Variants in NAMPT observed in about 807,000 individuals in gnomAD.
The protein encoded by NAMPT is NAmPRTase.
Under a neutral mutation model 58.7 loss-of-function variants are expected in NAMPT, and 7 were observed. The ratio of observed to expected loss-of-function variants is 0.12; its 90% CI spans 0.07 to 0.22. The LOEUF (loss-of-function observed/expected upper bound fraction) is 0.22. NAMPT is among the 10% of genes least tolerant of loss of function. The pLI, the probability that NAMPT is intolerant of heterozygous loss-of-function variation, is 1.00. For missense variants in NAMPT, 271 were observed against 567.9 expected (o/e 0.48, Z 5.31); for synonymous variants, 145 against 198.1 (o/e 0.73, Z 2.25).
rs1792085440 is a variant in NAMPT at position 106,250,326 on chromosome 7, C to G, written c.*757G>C. 1 of 152,320 alleles carries G rather than the reference C, an allele frequency of 6.6e-6. No homozygotes were observed. Among genetic ancestry groups the G allele is most frequent in the South Asian group, 2.1e-4 (1 of 4,836 alleles). The allele number at this position is 152,320 out of a possible 1,614,324, so 9.4% of individuals were successfully genotyped here. A position where few individuals can be genotyped will look rare whatever the true frequency, so the allele number is the denominator to read the frequency against. ...TGCATATTAGAGCCACAGGCAATCT[C>G]TGACATATAAAATTGCAGTACAGGC... On this transcript the variant is annotated 3_prime_UTR_variant, in exon 11 of 11. Transcript: ENST00000222553.
chr7:106,250,182 A>T lies in NAMPT; in HGVS notation c.*901T>A, dbSNP rs570805336. On this transcript the variant is annotated 3_prime_UTR_variant, in exon 11 of 11. Transcript: ENST00000222553. ...ATAGAATATGAAAAATAAATTCAGA[A>T]GTGTAATTACTTTAAAATACACTAC... 1.3e-5 allele frequency: 2 copies of T among 152,610 alleles called. No homozygotes were observed. Among genetic ancestry groups the T allele is most frequent in the Admixed American group, 1.3e-4 (2 of 15,254 alleles). 9.5% of individuals were successfully genotyped at this position (152,610 alleles called of 1,614,324 possible).
chr7:106,260,525 T>G (rs1792284599), intron 8 of NAMPT, among the ~76,000 whole-genome samples: 1 of 152,256 alleles, frequency 6.6e-6, no homozygotes, highest in African/African-American at 2.4e-5. Context: ...CTTATTCATA[T>G]GCTTAGTGGA....
At chr7:106,275,804 G>A (rs1355925318) in intron 2 of NAMPT, 1 of 152,204 alleles carries the variant, frequency 6.6e-6, no homozygotes, top group East Asian at 1.9e-4. Context: ...GGAGGCCAAG[G>A]CGGGCGGGTC....
At chr7:106,273,672 G>T (rs1394620826) in intron 3 of NAMPT, among the ~76,000 whole-genome samples, 2 of 152,156 alleles carry the variant, frequency 1.3e-5, no homozygotes, top group African/African-American at 4.8e-5. Context: ...CCACTGGACA[G>T]TATAGTAATA....
At chr7:106,263,067 G>C in intron 7 of NAMPT, 1 of 304,088 alleles carries the variant, frequency 3.3e-6, no homozygotes, top group Non-Finnish European at 6.1e-6. Context: ...TGCTGAAAAA[G>C]AAACAAACTG....
chr7:106,263,061 G>T (rs1792339197), intron 7 of NAMPT: 1 of 296,486 alleles, frequency 3.4e-6, no homozygotes, highest in African/African-American at 2.2e-5. Context: ...GACTTATGCT[G>T]AAAAAGAAAC....
At chr7:106,264,750 TCTC>T (rs1465089500) in intron 6 of NAMPT, among the ~76,000 whole-genome samples, 6 of 152,102 alleles carry the variant, frequency 3.9e-5, no homozygotes, top group Non-Finnish European at 5.9e-5. Flanking sequence ...TCTAATCTGT[TCTC>T]CTCAGTAAAT....
At chr7:106,277,983 AGTGGAAGAATAAT>A (rs1278096384) in intron 1 of NAMPT, among the ~76,000 whole-genome samples, 2 of 152,254 alleles carry the variant, frequency 1.3e-5, no homozygotes, top group Non-Finnish European at 2.9e-5. Context: ...TAAAAAATAA[AGTGGAAGAATAAT>A]GTGTATCTGC....
intron 3 of NAMPT, among the ~76,000 whole-genome samples, chr7:106,273,926 C>T (rs1178738836): frequency 1.3e-5 from 2 of 151,716 alleles, no homozygotes; most frequent in Admixed American, 1.3e-4. Context: ...ACAGTCTTTT[C>T]AATGTAAGAA....
intron 6 of NAMPT, among the ~76,000 whole-genome samples, chr7:106,267,653 A>G: frequency 6.6e-6 from 1 of 151,346 alleles, no homozygotes; most frequent in East Asian, 1.9e-4. Context: ...CATCCTGACT[A>G]AAACGGTGAA....
intron 6 of NAMPT, among the ~76,000 whole-genome samples, chr7:106,266,658 A>G (rs1286515985): frequency 6.6e-6 from 1 of 152,138 alleles, no homozygotes; most frequent in Admixed American, 6.5e-5. Context: ...ATTTCTTTCC[A>G]TTTATTTAGC....
intron 1 of NAMPT, chr7:106,284,395 C>G (rs1328179944): frequency 3.3e-5 from 5 of 151,500 alleles, no homozygotes; most frequent in African/African-American, 4.8e-5. Context: ...GGGAAAGCCC[C>G]GCTCACTCTC....
chr7:106,262,489 T>A (rs181094375), intron 7 of NAMPT, among the ~76,000 whole-genome samples: 13 of 152,244 alleles, frequency 8.5e-5, no homozygotes, highest in Admixed American at 8.5e-4. Context: ...ATGAAACCTA[T>A]CAAGTTTGCT....
Position 106,268,509 on chromosome 7 carries a change from G to T in NAMPT, c.698C>A (p.Thr233Lys). 1 of 1,613,802 alleles carries T rather than the reference G, an allele frequency of 6.2e-7. No individual in the cohort carries two copies. The highest frequency in any genetic ancestry group is 8.5e-7 in the Non-Finnish European group (1 of 1,179,808). The change falls in exon 6 of 11, where the codon ACG becomes AAG. Residue 233 changes from threonine to lysine, a missense_variant. Transcript: ENST00000222553. The part of the protein sequence containing the change: ...GLALIKKYYG[T>K]KDPVPGYSVP... Reference sequence around the variant, plus strand: ...AGAATAGCCTGGAACAGGATCTTTCGTTCCATAATATTTTTTAATTAGAGC... The same window carrying T: ...AGAATAGCCTGGAACAGGATCTTTCTTTCCATAATATTTTTTAATTAGAGC...
rs1792560918 is a variant in NAMPT, at chr7:106,272,798, G to A, written c.319-140C>T. On this transcript the variant is annotated intron_variant, in intron 3 of 10. Transcript: ENST00000222553. ...CAATTGTAGATGTTACTGTAATCTAGTCAGAATATCCTTATCCTTCTAAAA... is the reference window on the plus strand; with the variant it reads ...CAATTGTAGATGTTACTGTAATCTAATCAGAATATCCTTATCCTTCTAAAA... The A allele has an allele frequency of 3.8e-6, 3 of 784,364 alleles. No individual in the cohort carries two copies. The East Asian group carries it at 8.2e-5, about 21-fold the overall frequency. 48.6% of individuals were successfully genotyped at this position (784,364 alleles called of 1,614,324 possible).
chr7:106,264,058 A>G (rs1263496880), intron 6 of NAMPT, among the ~76,000 whole-genome samples: 1 of 152,112 alleles, frequency 6.6e-6, no homozygotes, highest in African/African-American at 2.4e-5. Flanking sequence ...TTTTGAAACT[A>G]TATACCAATA....
At position 106,249,797 on chromosome 7, in the gene NAMPT, C is replaced by T. The variant is rs184974755; in HGVS notation, c.*1286G>A. 6.6e-6 allele frequency: 1 copy of T among 151,912 alleles called. No homozygotes were observed. The highest frequency in any genetic ancestry group is 2.4e-5 in the African/African-American group (1 of 41,370). The allele number at this position is 151,912 out of a possible 1,614,324, so 9.4% of individuals were successfully genotyped here. ...CAACCGCTGCCTCAGAAGAACAGAT[C>T]TACATACATAAAAGAATCATTCGAA... On this transcript the variant is annotated 3_prime_UTR_variant, in exon 11 of 11. Coordinates refer to ENST00000222553, the MANE Select transcript of NAMPT (RefSeq NM_005746.3).
intron 7 of NAMPT, among the ~76,000 whole-genome samples, chr7:106,262,762 G>C (rs766777724): frequency 6.6e-6 from 1 of 152,038 alleles, no homozygotes; most frequent in Non-Finnish European, 1.5e-5. Context: ...CTATAACAGA[G>C]ACAGTAATAT....
chr7:106,267,495 T>C (rs1186995772), intron 6 of NAMPT, among the ~76,000 whole-genome samples: 5 of 152,268 alleles, frequency 3.3e-5, no homozygotes, highest in East Asian at 1.9e-4. Flanking sequence ...CTAATGATTA[T>C]AGTAAATAAT....
Sources: gnomAD v4.1 joint callset for allele counts (sites outside exome capture counted in the v4.1 genomes callset) on GRCh38, gnomAD v4.1.1 for gene constraint, MANE v1.5 for transcripts, NCBI Gene and HGNC (gene_info 2026-07-23, HGNC 2026-07-21) for gene names.